The following ADGRB3 variants were observed in gnomAD, a reference collection of about 807,000 sequenced individuals.
The protein encoded by ADGRB3 is adhesion G protein-coupled receptor B3, also known as brain-specific angiogenesis inhibitor 3.
Under a neutral mutation model 193.4 loss-of-function variants are expected in ADGRB3, and 37 were observed. The ratio of observed to expected loss-of-function variants is 0.19; its 90% CI spans 0.15 to 0.25. The LOEUF is 0.25. Ranked by LOEUF, ADGRB3 falls within the 10% of genes least tolerant of loss-of-function variation. The pLI, the probability that ADGRB3 is intolerant of heterozygous loss-of-function variation, is 1.00. For missense variants in ADGRB3, 1,637 were observed against 1,852.9 expected (o/e 0.88, Z 2.14); for synonymous variants, 690 against 644.2 (o/e 1.07, Z -1.08).
At chr6:68,941,083 C>G (rs1189912189) in intron 5 of ADGRB3, among the ~76,000 whole-genome samples, 1 of 151,964 alleles carries the variant, frequency 6.6e-6, no homozygotes, top group African/African-American at 2.4e-5. Flanking sequence ...AGGAGGAAAA[C>G]TATAAAAATG....
rs184026462 is a variant in ADGRB3 at position 69,170,323 on chromosome 6, A to C, written c.2481-62967A>C. ...GAATGATGTGGATTCTCAACAGCAT[A>C]CTCTTTGCTTTTATAGGAAGTATTC... On this transcript the variant is annotated intron_variant, in intron 17 of 31. Transcript: ENST00000370598. Among the ~76,000 whole-genome samples, 459 of 152,178 alleles carry C rather than the reference A, an allele frequency of 3.0e-3. 1 individual carries two copies. Among genetic ancestry groups the C allele is most frequent in the Non-Finnish European group, 5.7e-3 (385 of 67,984 alleles).
intron 3 of ADGRB3, among the ~76,000 whole-genome samples, chr6:68,883,114 T>C: frequency 6.6e-6 from 1 of 152,146 alleles, no homozygotes; most frequent in Non-Finnish European, 1.5e-5. Context: ...CAGGATGGTC[T>C]AGCTAAAGGA....
intron 3 of ADGRB3, among the ~76,000 whole-genome samples, chr6:68,852,232 T>C (rs1172017608): frequency 6.6e-6 from 1 of 151,926 alleles, no homozygotes; most frequent in Non-Finnish European, 1.5e-5. Context: ...TATCTTAATG[T>C]AGCCTTGAAT....
intron 17 of ADGRB3, among the ~76,000 whole-genome samples, chr6:69,119,628 C>G (rs907109296): frequency 5.9e-5 from 9 of 151,798 alleles, no homozygotes; most frequent in African/African-American, 1.7e-4. Context: ...GAAGAGCATT[C>G]CAGGAAGAAG....
At chr6:68,836,973 T>G (rs1232314914) in intron 3 of ADGRB3, among the ~76,000 whole-genome samples, 2 of 152,342 alleles carry the variant, frequency 1.3e-5, no homozygotes, top group East Asian at 3.9e-4. Flanking sequence ...ACCTGCCTTT[T>G]GAGGATCTTA....
chr6:68,702,723 TGA>T (rs555470060), intron 3 of ADGRB3, among the ~76,000 whole-genome samples: 31 of 152,214 alleles, frequency 2.0e-4, no homozygotes, highest in African/African-American at 5.5e-4. Context: ...AACAGAAAAA[TGA>T]GAGACTCTAC....
chr6:68,967,485 A>T (rs1293868918), intron 8 of ADGRB3, among the ~76,000 whole-genome samples: 1 of 152,112 alleles, frequency 6.6e-6, no homozygotes, highest in East Asian at 1.9e-4. Flanking sequence ...AAACTTAGTC[A>T]TTACATGATA....
At chr6:69,074,997 T>C (rs1302764116) in intron 16 of ADGRB3, among the ~76,000 whole-genome samples, 2 of 152,134 alleles carry the variant, frequency 1.3e-5, no homozygotes, top group African/African-American at 4.8e-5. Flanking sequence ...AAATCAGGAT[T>C]TTAAAAGCTC....
chr6:69,232,269 A>ATT (rs5877202), intron 17 of ADGRB3: 121 of 415,448 alleles, frequency 2.9e-4, no homozygotes, highest in Non-Finnish European at 3.7e-4. Flanking sequence ...GCTCTATAGC[A>ATT]TTTTTTTTTT....
chr6:68,929,091 A>T lies in ADGRB3; in HGVS notation c.758-1468A>T, dbSNP rs184333073. Among the ~76,000 whole-genome samples, 435 of 152,300 alleles carry T rather than the reference A, an allele frequency of 2.9e-3. 3 individuals are homozygous for T. The highest frequency in any genetic ancestry group is 0.013 in the Admixed American group (199 of 15,286). ...ACACATAACTGAATGGAATGAAAGG[A>T]TGTTGGCGGTAATGGAAAATAGTGA... On this transcript the variant is annotated intron_variant, in intron 3 of 31. Transcript: ENST00000370598.
chr6:68,658,737 G>T lies in ADGRB3; in HGVS notation c.757+19305G>T, dbSNP rs746576243. On this transcript the variant is annotated intron_variant, in intron 3 of 31. Coordinates refer to ENST00000370598, the MANE Select transcript of ADGRB3 (RefSeq NM_001704.3). ...TTTTAGAAAAATTTAAATGTCTTAG[G>T]TTACAGGGGCATAGATGTTAAAGGC... Among the ~76,000 whole-genome samples, 3 of 151,066 alleles carry T rather than the reference G, an allele frequency of 2.0e-5. No individual in the cohort carries two copies. The East Asian group carries it at 5.9e-4, about 29-fold the overall frequency.
intron 17 of ADGRB3, among the ~76,000 whole-genome samples, chr6:69,084,097 C>T (rs1292189330): frequency 6.6e-6 from 1 of 151,996 alleles, no homozygotes; most frequent in East Asian, 1.9e-4. Flanking sequence ...TACTTTTGGT[C>T]ATTGAGTTCT....
Position 68,664,054 on chromosome 6 carries a change from C to T in ADGRB3, c.757+24622C>T, listed in dbSNP as rs190060683. ...ATAAAAGGATTATTTTAAAATGAGT[C>T]GAATATGCTGAATGATATTTGTCGT... On this transcript the variant is annotated intron_variant, in intron 3 of 31. Transcript: ENST00000370598. 2.2e-3 allele frequency among the ~76,000 whole-genome samples: 334 copies of T among 151,726 alleles called. 1 individual carries two copies. The highest frequency in any genetic ancestry group is 7.7e-3 in the African/African-American group (320 of 41,432).
chr6:68,714,246 A>T (rs1765454416), intron 3 of ADGRB3, among the ~76,000 whole-genome samples: 1 of 151,860 alleles, frequency 6.6e-6, no homozygotes. Context: ...ATATTATTTT[A>T]AAAACTTGTT....
At chr6:68,876,440 T>G (rs559960) in intron 3 of ADGRB3, among the ~76,000 whole-genome samples, 48,112 of 152,016 alleles carry the variant, frequency 0.32, 8,232 homozygotes, top group East Asian at 0.59. Context: ...GTGACACTAG[T>G]CCACGCTTTC....
chr6:69,127,161 G>A (rs1483250749), intron 17 of ADGRB3, among the ~76,000 whole-genome samples: 1 of 152,170 alleles, frequency 6.6e-6, no homozygotes, highest in African/African-American at 2.4e-5. Context: ...ATGAAGATTA[G>A]CATCCAGTTT....
chr6:69,006,367 G>A (rs1446517015), intron 11 of ADGRB3, among the ~76,000 whole-genome samples: 1 of 151,896 alleles, frequency 6.6e-6, no homozygotes, highest in Non-Finnish European at 1.5e-5. Flanking sequence ...AAAAGTAATT[G>A]CAGTTTTTAA....
At chr6:69,165,431 C>A (rs955698665) in intron 17 of ADGRB3, among the ~76,000 whole-genome samples, 1 of 151,734 alleles carries the variant, frequency 6.6e-6, no homozygotes, top group Non-Finnish European at 1.5e-5. Flanking sequence ...TACACCCCGG[C>A]AAAACAATTG....
intron 3 of ADGRB3, among the ~76,000 whole-genome samples, chr6:68,732,482 C>A (rs1383381515): frequency 6.6e-6 from 1 of 151,942 alleles, no homozygotes; most frequent in Admixed American, 6.6e-5. Context: ...AAAGAAGATA[C>A]AAACCCATTC....
Sources: allele counts gnomAD v4.1 joint callset (sites outside exome capture counted in the v4.1 genomes callset), GRCh38; gene constraint gnomAD v4.1.1; transcripts MANE v1.5; gene names NCBI Gene and HGNC (gene_info 2026-07-23, HGNC 2026-07-21).